The following GALNT9 variants were observed in gnomAD, a reference collection of about 807,000 sequenced individuals.
The protein encoded by GALNT9 is GalNAc transferase 9.
A neutral mutation model predicts 63.1 loss-of-function variants in GALNT9; 47 were observed. The observed-to-expected ratio is 0.75, with a 90% CI of 0.59 to 0.95. GALNT9 has a LOEUF of 0.95. Ranked by LOEUF, GALNT9 falls within the 40% of genes least tolerant of loss-of-function variation. The probability of loss-of-function intolerance (pLI) is 0.00; values close to 1 mark genes in which losing one functional copy is unlikely to be tolerated. For missense variants in GALNT9, 829 were observed against 874.8 expected, an observed-to-expected ratio of 0.95 and a Z score of 0.66; for synonymous variants, 396 against 365.7, an observed-to-expected ratio of 1.08 and a Z score of -0.94.
chr12:132,253,431 C>T (rs918247423), intron 5 of GALNT9, among the ~76,000 whole-genome samples: 19 of 151,706 alleles, frequency 1.3e-4, no homozygotes, highest in African/African-American at 2.7e-4. Flanking sequence ...GGCCCTTATG[C>T]GGGCATGACA....
chr12:132,251,417 C>T (rs1474854060), intron 5 of GALNT9, among the ~76,000 whole-genome samples: 3 of 152,164 alleles, frequency 2.0e-5, no homozygotes, highest in Non-Finnish European at 2.9e-5. Flanking sequence ...GGGGGGCTCC[C>T]GGCATCCGCT....
At chr12:132,206,943 C>T (rs776151773) in intron 6 of GALNT9, among the ~76,000 whole-genome samples, 5 of 152,060 alleles carry the variant, frequency 3.3e-5, no homozygotes, top group African/African-American at 9.7e-5. Flanking sequence ...TGCATGCCTG[C>T]GGTCCCAGCT....
rs1036285537 is a variant in GALNT9, at chr12:132,286,046, C to T, written c.419+204G>A. On this transcript the variant is annotated intron_variant, in intron 2 of 10. Transcript: ENST00000328957. The surrounding 1 kb of genome is among the most constrained non-coding windows in gnomAD (Gnocchi z 7.4). Reference sequence around the variant, plus strand: ...GCAGCTCGTGGGGGCAGTCCCCGGCCAGCACGGGGGAGCGCTCACTTTCCC... The same window carrying T: ...GCAGCTCGTGGGGGCAGTCCCCGGCTAGCACGGGGGAGCGCTCACTTTCCC... 6.6e-6 allele frequency among the ~76,000 whole-genome samples: 1 copy of T among 152,040 alleles called. No individual in the cohort carries two copies. The highest frequency in any genetic ancestry group is 6.5e-5 in the Admixed American group (1 of 15,276).
rs1231414475 is a variant in GALNT9 at position 132,290,919 on chromosome 12, A to G, written c.239-4489T>C. On this transcript the variant is annotated intron_variant, in intron 1 of 10. Coordinates refer to ENST00000328957, the MANE Select transcript of GALNT9 (RefSeq NM_001122636.2). ...CAGCACCCACGTCCACAGCACCCAC[A>G]TCCAGAGCACCCACGTCCACACCAC... is the stretch of plus-strand genomic sequence containing the variant. Among the ~76,000 whole-genome samples the G allele has an allele frequency of 1.5e-4, 6 of 39,824 alleles. 2 individuals carry two copies. The highest frequency in any genetic ancestry group is 2.1e-4 in the Non-Finnish European group (5 of 24,284). The allele number at this position is 39,824 out of a possible 152,430, so 26.1% of individuals were successfully genotyped here.
At chr12:132,281,848 T>TG (rs1272967192) in intron 2 of GALNT9, among the ~76,000 whole-genome samples, 2 of 144,084 alleles carry the variant, frequency 1.4e-5, no homozygotes, top group African/African-American at 5.2e-5. Flanking sequence ...AGCCCAGGCC[T>TG]GGGGGTCCCA....
At chr12:132,240,468 G>C in intron 6 of GALNT9, 1 of 378,634 alleles carries the variant, frequency 2.6e-6, no homozygotes, top group Non-Finnish European at 5.2e-6. Flanking sequence ...AACGGAGCAA[G>C]AATAGCCGTG....
At chr12:132,318,635 G>A (rs1868638250) in intron 1 of GALNT9, among the ~76,000 whole-genome samples, 2 of 152,248 alleles carry the variant, frequency 1.3e-5, no homozygotes, top group South Asian at 4.1e-4. Flanking sequence ...GGTGGATCCT[G>A]GGATGTGCAC....
intron 6 of GALNT9, chr12:132,240,558 T>A: frequency 6.7e-6 from 3 of 448,960 alleles, no homozygotes; most frequent in South Asian, 4.7e-5. Context: ...AGGGCTCAGC[T>A]GTGGGCTCCG....
At chr12:132,225,453 T>C (rs1406863048) in intron 6 of GALNT9, among the ~76,000 whole-genome samples, 7,501 of 123,828 alleles carry the variant, frequency 0.061, 571 homozygotes, top group African/African-American at 0.2. Context: ...ACCACACAAC[T>C]GAAACTCCAC....
At position 132,199,270 on chromosome 12, in the gene GALNT9, C is replaced by T. The variant is rs373203564; in HGVS notation, c.1402-1G>A. On this transcript the variant is annotated splice_acceptor_variant, in intron 8 of 10. Coordinates refer to ENST00000328957, the MANE Select transcript of GALNT9 (RefSeq NM_001122636.2). LOFTEE classifies it high-confidence loss of function. ...AGGCACTGGCTTTGCTGTTTCTCAC[C>T]TGCAAGCAGAAGCCCCAGGAGAAAG... 6.3e-7 allele frequency: 1 copy of T among 1,599,598 alleles called. No individual in the cohort carries two copies. The highest frequency in any genetic ancestry group is 8.5e-7 in the Non-Finnish European group (1 of 1,175,532).
intron 1 of GALNT9, among the ~76,000 whole-genome samples, chr12:132,289,881 T>C (rs1555242536): frequency 6.6e-6 from 1 of 152,130 alleles, no homozygotes; most frequent in African/African-American, 2.4e-5. Context: ...TGAGTCCCCG[T>C]CCCAGGACTG....
intron 1 of GALNT9, among the ~76,000 whole-genome samples, chr12:132,320,022 G>A (rs1304063417): frequency 7.2e-5 from 11 of 151,998 alleles, no homozygotes; most frequent in Admixed American, 3.9e-4. Context: ...ACTGGGTCCC[G>A]TTAGCGTTCA....
At chr12:132,325,921 C>A (rs888289388) in intron 1 of GALNT9, among the ~76,000 whole-genome samples, 1 of 152,282 alleles carries the variant, frequency 6.6e-6, no homozygotes. Flanking sequence ...CCTCTCCCAG[C>A]AGAGTGAGTC....
At chr12:132,317,735 G>C (rs782777281) in intron 1 of GALNT9, among the ~76,000 whole-genome samples, 1 of 152,098 alleles carries the variant, frequency 6.6e-6, no homozygotes, top group Non-Finnish European at 1.5e-5. Context: ...CCCCACCTTC[G>C]GGCCCCTCCA....
chr12:132,260,893 G>T, intron 4 of GALNT9, 55 bp downstream of exon 4: 4 of 1,464,678 alleles, frequency 2.7e-6, no homozygotes, highest in African/African-American at 1.4e-5. Flanking sequence ...CTTAGGAGGG[G>T]GATGGTGGAG....
In GALNT9 at chr12:132,310,503, G is replaced by A. The variant is rs1230045156; in HGVS notation, c.238+18463C>T. Reference sequence around the variant, plus strand: ...CTCCGGGAAAGCAGGCATTTCTGCCGGCTTCCTCTGTGTCCCTGCCCCCTG... The same window carrying A: ...CTCCGGGAAAGCAGGCATTTCTGCCAGCTTCCTCTGTGTCCCTGCCCCCTG... On this transcript the variant is annotated intron_variant, in intron 1 of 10. Transcript: ENST00000328957. This position sits in a 1 kb window ranked among gnomAD's most constrained non-coding sequence, Gnocchi z 4.8. Among the ~76,000 whole-genome samples, 2 of 152,264 alleles carry A rather than the reference G, an allele frequency of 1.3e-5. No homozygotes were observed. Among genetic ancestry groups the A allele is most frequent in the South Asian group, 2.1e-4 (1 of 4,818 alleles).
chr12:132,198,013 T>A, intron 9 of GALNT9, 54 bp from the exon 10 acceptor site: 2 of 1,461,620 alleles, frequency 1.4e-6, no homozygotes, highest in Non-Finnish European at 1.9e-6. Flanking sequence ...CTCTCCCCAG[T>A]GAGCACTGAC....
At chr12:132,219,291 A>G (rs1316873060) in intron 6 of GALNT9, among the ~76,000 whole-genome samples, 1 of 152,234 alleles carries the variant, frequency 6.6e-6, no homozygotes, top group Non-Finnish European at 1.5e-5. Context: ...GGTCAGCACC[A>G]CAGACATAGA....
At chr12:132,295,028 C>A (rs1881001244) in intron 1 of GALNT9, among the ~76,000 whole-genome samples, 1 of 152,244 alleles carries the variant, frequency 6.6e-6, no homozygotes. Context: ...CGGCCTGCGG[C>A]TGCAGGGCTC....
Sources: allele counts gnomAD v4.1 joint callset (sites outside exome capture counted in the v4.1 genomes callset), GRCh38; gene constraint gnomAD v4.1.1; non-coding constraint Gnocchi (gnomAD v3.1); transcripts MANE v1.5; gene names NCBI Gene and HGNC (gene_info 2026-07-23, HGNC 2026-07-21).